IFT52: variants seen among roughly 807,000 people sequenced by gnomAD.
IFT52 encodes intraflagellar transport protein 52 homolog.
IFT52 carries 44 observed loss-of-function variants against 54.4 expected under a neutral mutation model. That is an observed-to-expected ratio of 0.81 (90% CI 0.63 to 1.04). IFT52 has a LOEUF of 1.04. Among genes scored for constraint, IFT52 ranks in the 50% least tolerant of loss-of-function variants. The pLI, the probability that IFT52 is intolerant of heterozygous loss-of-function variation, is 0.00. For synonymous variants in IFT52, 181 were observed against 185.3 expected (o/e 0.98, Z 0.19); for missense variants, 452 against 523.6 (o/e 0.86, Z 1.33).
At chr20:43,609,102 T>G (rs780373475) in intron 6 of IFT52, among the ~76,000 whole-genome samples, 3 of 150,366 alleles carry the variant, frequency 2.0e-5, no homozygotes, top group Non-Finnish European at 3.0e-5. Context: ...ATTAGCCATA[T>G]GTGGTGGCAC....
intron 6 of IFT52, among the ~76,000 whole-genome samples, chr20:43,612,555 G>C (rs990383841): frequency 4.6e-5 from 7 of 151,954 alleles, no homozygotes; most frequent in African/African-American, 1.7e-4. Context: ...TAGTAGGTGT[G>C]GTGGCATGCA....
chr20:43,626,902 C>T (rs1463741794), intron 10 of IFT52, among the ~76,000 whole-genome samples: 3 of 152,184 alleles, frequency 2.0e-5, no homozygotes, highest in South Asian at 2.1e-4. Flanking sequence ...GGTGACTCAA[C>T]GCCTGTAATC....
intron 12 of IFT52, among the ~76,000 whole-genome samples, chr20:43,638,193 AT>A (rs10710648): frequency 0.81 from 119,205 of 146,730 alleles, 48,628 homozygotes; most frequent in African/African-American, 0.94. Context: ...AGGAGATTAT[AT>A]TTTTTTTTTT....
At chr20:43,632,948 C>T (rs557251855) in intron 10 of IFT52, among the ~76,000 whole-genome samples, 6 of 152,248 alleles carry the variant, frequency 3.9e-5, no homozygotes, top group South Asian at 2.1e-4. Flanking sequence ...ATGTATGATA[C>T]GGTAGAGAAG....
At chr20:43,593,417 T>C (rs1281392422) in intron 1 of IFT52, among the ~76,000 whole-genome samples, 1 of 152,356 alleles carries the variant, frequency 6.6e-6, no homozygotes, top group East Asian at 1.9e-4. Flanking sequence ...TAAGAATCTC[T>C]ACAAATATGC....
intron 10 of IFT52, among the ~76,000 whole-genome samples, chr20:43,632,004 C>T (rs2145659175): frequency 6.6e-6 from 1 of 151,854 alleles, no homozygotes; most frequent in Non-Finnish European, 1.5e-5. Flanking sequence ...CCGCTCACCA[C>T]AACCTCCGCC....
intron 6 of IFT52, among the ~76,000 whole-genome samples, chr20:43,613,335 T>G (rs916635967): frequency 6.6e-6 from 1 of 152,238 alleles, no homozygotes; most frequent in African/African-American, 2.4e-5. Flanking sequence ...CAGGGGCTTC[T>G]TTAGTTCTCC....
chr20:43,620,742 C>G, intron 8 of IFT52, 115 bp from the exon 9 acceptor site: 1 of 736,032 alleles, frequency 1.4e-6, no homozygotes. Context: ...TTTTCTGAAT[C>G]ACTGGTTTAA....
intron 10 of IFT52, among the ~76,000 whole-genome samples, chr20:43,630,929 C>T (rs1446890411): frequency 6.6e-6 from 1 of 152,190 alleles, no homozygotes; most frequent in African/African-American, 2.4e-5. Context: ...GGGACAAAGC[C>T]TTTGCTCCAG....
rs776257116 is a variant in IFT52 at position 43,646,952 on chromosome 20, C to T, written c.1283C>T (p.Thr428Ile). The T allele has an allele frequency of 1.2e-6, 2 of 1,613,710 alleles. No homozygotes were observed. The highest frequency in any genetic ancestry group is 1.7e-6 in the Non-Finnish European group (2 of 1,179,670). ...CTCATCCAGGAACATGACATCGATA[C>T]AAGTGAAACAGCATTCCAGAACAAT... ...KKLNQEHDID[T>I]SETAFQNNF Residue 428 changes from threonine to isoleucine, a missense_variant, in exon 14 of 14, where the codon ACA (threonine) becomes ATA (isoleucine). By Grantham distance (89) the Thr-to-Ile change is moderately conservative (BLOSUM62 -1). Transcript: ENST00000373030.
At chr20:43,602,834 A>G (rs539444412) in intron 3 of IFT52, among the ~76,000 whole-genome samples, 20 of 152,264 alleles carry the variant, frequency 1.3e-4, no homozygotes, top group African/African-American at 4.6e-4. Flanking sequence ...GGAGCATACA[A>G]GAGCGAGAGG....
chr20:43,614,016 A>G, intron 7 of IFT52, 40 bp downstream of exon 7: 2 of 1,544,740 alleles, frequency 1.3e-6, no homozygotes, highest in Non-Finnish European at 1.8e-6. Context: ...TGTTATTTTT[A>G]TTGTTGAAAT....
intron 10 of IFT52, among the ~76,000 whole-genome samples, chr20:43,630,509 A>G (rs548275865): frequency 9.2e-4 from 140 of 152,308 alleles, no homozygotes; most frequent in Non-Finnish European, 8.5e-4. Context: ...ACATCTTTCA[A>G]TAGTTTATCT....
chr20:43,605,936 T>G (rs1982835612), intron 6 of IFT52, among the ~76,000 whole-genome samples: 1 of 152,194 alleles, frequency 6.6e-6, no homozygotes, highest in Admixed American at 6.5e-5. Flanking sequence ...TAGACAATTT[T>G]ATAGCCGGGT....
chr20:43,597,285 C>T (rs1312188415), intron 3 of IFT52, among the ~76,000 whole-genome samples: 26 of 150,692 alleles, frequency 1.7e-4, no homozygotes, highest in East Asian at 4.0e-4. Context: ...GCAGGAGAAT[C>T]GCTTGAACCT....
intron 7 of IFT52, among the ~76,000 whole-genome samples, chr20:43,617,417 T>G (rs1983939313): frequency 6.6e-6 from 1 of 151,578 alleles, no homozygotes; most frequent in African/African-American, 2.4e-5. Context: ...CATTATTTTA[T>G]GACTCTCTCA....
chr20:43,596,534 C>T lies in IFT52; in HGVS notation c.207+12C>T, dbSNP rs1981974488. 6.5e-7 allele frequency: 1 copy of T among 1,539,270 alleles called. No individual in the cohort carries two copies. The highest frequency in any genetic ancestry group is 9.0e-7 in the Non-Finnish European group (1 of 1,113,580). On this transcript the variant is annotated intron_variant, in intron 3 of 13. Coordinates refer to ENST00000373030, the MANE Select transcript of IFT52 (RefSeq NM_016004.5). The stretch of plus-strand genomic sequence containing the variant: ...TTACTGCAGCTGAGGTAAGAAATAT[C>T]CACTAAAGAAGGAATATGGTGAAAT...
At chr20:43,635,833 C>T (rs920560763) in intron 10 of IFT52, 93 bp from the exon 11 acceptor site, 8 of 1,113,948 alleles carry the variant, frequency 7.2e-6, no homozygotes, top group African/African-American at 1.5e-5. Context: ...TACTGAACCA[C>T]TGTATTTCAT....
chr20:43,592,387 AATGG>A lies in IFT52; in HGVS notation c.-7+1335_-7+1338del, dbSNP rs1981599789. Among the ~76,000 whole-genome samples, 4 of 152,202 alleles carry A rather than the reference AATGG, an allele frequency of 2.6e-5. No individual in the cohort carries two copies. In the South Asian group the frequency reaches 8.3e-4, roughly 32 times the overall value. ...ATTTTGAGCACCACAATAATTTCCA[AATGG>A]ACTAAAATTTAAATGTTAAAAAATT... On this transcript the variant is annotated intron_variant, in intron 1 of 13. Transcript: ENST00000373030.
Sources: gnomAD v4.1 joint callset for allele counts (sites outside exome capture counted in the v4.1 genomes callset) on GRCh38, gnomAD v4.1.1 for gene constraint, MANE v1.5 for transcripts, NCBI Gene and HGNC (gene_info 2026-07-23, HGNC 2026-07-21) for gene names.